THSD7B: variants seen among roughly 807,000 people sequenced by gnomAD.
The protein encoded by THSD7B is thrombospondin type 1 domain containing 7B.
A neutral mutation model predicts 213.6 loss-of-function variants in THSD7B; 138 were observed. That is an observed-to-expected ratio of 0.65 (90% CI 0.56 to 0.74). The LOEUF (loss-of-function observed/expected upper bound fraction) is 0.74, where lower values mean the gene tolerates loss of function less well. THSD7B is among the 30% of genes least tolerant of loss of function. THSD7B has a pLI of 0.00. For synonymous variants in THSD7B, 742 were observed against 687.0 expected, an observed-to-expected ratio of 1.08 and a Z score of -1.25; for missense variants, 1,931 against 1,991.5, an observed-to-expected ratio of 0.97 and a Z score of 0.58.
chr2:136,856,597 T>G (rs544565583), intron 1 of THSD7B, among the ~76,000 whole-genome samples: 1 of 150,970 alleles, frequency 6.6e-6, no homozygotes, highest in Admixed American at 6.6e-5. Context: ...CACCAAAACC[T>G]CTGCCTCCTG....
intron 1 of THSD7B, among the ~76,000 whole-genome samples, chr2:136,791,420 G>C (rs1021546501): frequency 1.3e-5 from 2 of 151,698 alleles, no homozygotes; most frequent in Non-Finnish European, 2.9e-5. Context: ...ACAATACAAT[G>C]GTGTTTAGTA....
chr2:137,243,803 A>G (rs1277858732), intron 10 of THSD7B, among the ~76,000 whole-genome samples: 1 of 152,252 alleles, frequency 6.6e-6, no homozygotes, highest in Non-Finnish European at 1.5e-5. Flanking sequence ...ACAAAGTTTT[A>G]TAACTATGGC....
At chr2:137,194,431 A>G (rs1485104261) in intron 7 of THSD7B, among the ~76,000 whole-genome samples, 1 of 152,224 alleles carries the variant, frequency 6.6e-6, no homozygotes, top group Admixed American at 6.5e-5. Flanking sequence ...ACATGATCTG[A>G]GTAAGCAGTC....
At chr2:137,331,949 C>G (rs1684521431) in intron 12 of THSD7B, among the ~76,000 whole-genome samples, 1 of 152,188 alleles carries the variant, frequency 6.6e-6, no homozygotes, top group Non-Finnish European at 1.5e-5. Flanking sequence ...AGCTGGCCCA[C>G]AAGCGCCGCA....
At chr2:137,393,241 T>C (rs1471280645) in intron 12 of THSD7B, among the ~76,000 whole-genome samples, 3 of 151,618 alleles carry the variant, frequency 2.0e-5, no homozygotes, top group Non-Finnish European at 4.4e-5. Context: ...ACATGTGCCA[T>C]GCTGGTGCAC....
intron 7 of THSD7B, among the ~76,000 whole-genome samples, chr2:137,192,171 C>T (rs1680671391): frequency 6.6e-6 from 1 of 152,088 alleles, no homozygotes; most frequent in African/African-American, 2.4e-5. Context: ...CTGTGATCCT[C>T]TCAGTTTATC....
intron 7 of THSD7B, among the ~76,000 whole-genome samples, chr2:137,211,991 A>C (rs10185044): frequency 0.18 from 26,736 of 152,020 alleles, 3,113 homozygotes; most frequent in South Asian, 0.4. Context: ...AGCTAAATAA[A>C]CAATAAACAA....
At chr2:137,424,492 G>A (rs540100692) in intron 14 of THSD7B, among the ~76,000 whole-genome samples, 1 of 152,228 alleles carries the variant, frequency 6.6e-6, no homozygotes, top group Admixed American at 6.5e-5. Context: ...CAAAATTTTA[G>A]CAAACCAAAT....
chr2:137,435,003 T>A (rs1687263291), intron 14 of THSD7B, among the ~76,000 whole-genome samples: 1 of 152,200 alleles, frequency 6.6e-6, no homozygotes, highest in Admixed American at 6.5e-5. Context: ...AATACTTTAC[T>A]TTTTATGTCC....
intron 27 of THSD7B, among the ~76,000 whole-genome samples, chr2:137,675,348 T>G (rs1683673739): frequency 6.8e-6 from 1 of 147,882 alleles, no homozygotes; most frequent in Admixed American, 6.8e-5. Context: ...AATACAAAAA[T>G]TAATTCATAT....
chr2:137,275,888 T>C, intron 11 of THSD7B, 35 bp from the exon 12 acceptor site: 1 of 1,521,660 alleles, frequency 6.6e-7, no homozygotes, highest in Non-Finnish European at 9.0e-7. Context: ...TTGATCACAG[T>C]AAAGTTTCTA....
intron 2 of THSD7B, among the ~76,000 whole-genome samples, chr2:136,951,323 C>T (rs1036400509): frequency 1.3e-5 from 2 of 152,124 alleles, no homozygotes; most frequent in Non-Finnish European, 2.9e-5. Flanking sequence ...TTCCTCTCTG[C>T]ATTTAACTAG....
intron 12 of THSD7B, among the ~76,000 whole-genome samples, chr2:137,298,869 G>C (rs137886462): frequency 1.3e-5 from 2 of 152,148 alleles, no homozygotes; most frequent in Non-Finnish European, 2.9e-5. Context: ...CTGCAGGGGC[G>C]GGGCCCTCAT....
intron 17 of THSD7B, among the ~76,000 whole-genome samples, chr2:137,611,123 G>A (rs1245995892): frequency 6.6e-6 from 1 of 151,532 alleles, no homozygotes; most frequent in African/African-American, 2.4e-5. Context: ...GACAGTCTAT[G>A]TAATGGAAAA....
At chr2:136,874,155 C>A (rs1383259875) in intron 1 of THSD7B, among the ~76,000 whole-genome samples, 1 of 142,910 alleles carries the variant, frequency 7.0e-6, no homozygotes, top group African/African-American at 2.4e-5. Context: ...TATTGACTTA[C>A]AACACTAGTC....
chr2:137,622,622 C>T (rs1269351397), intron 20 of THSD7B, among the ~76,000 whole-genome samples: 1 of 152,006 alleles, frequency 6.6e-6, no homozygotes, highest in Non-Finnish European at 1.5e-5. Context: ...ATCAAATTGC[C>T]ACAATAAAAA....
intron 17 of THSD7B, among the ~76,000 whole-genome samples, chr2:137,577,827 A>T (rs1681495017): frequency 6.6e-6 from 1 of 152,198 alleles, no homozygotes; most frequent in Admixed American, 6.5e-5. Context: ...TAAAAGTATA[A>T]TTTTCAAAAA....
intron 4 of THSD7B, among the ~76,000 whole-genome samples, chr2:137,111,480 C>T (rs756479260): frequency 6.6e-6 from 1 of 152,168 alleles, no homozygotes. Context: ...GCTTTGAACC[C>T]TGCTTTCACT....
intron 12 of THSD7B, among the ~76,000 whole-genome samples, chr2:137,289,765 A>C (rs1035319588): frequency 1.3e-5 from 2 of 152,054 alleles, no homozygotes; most frequent in Non-Finnish European, 2.9e-5. Flanking sequence ...AAGAGTGATG[A>C]TAGGACCACC....
Sources: allele counts gnomAD v4.1 joint callset (sites outside exome capture counted in the v4.1 genomes callset), GRCh38; gene constraint gnomAD v4.1.1; transcripts MANE v1.5; gene names NCBI Gene and HGNC (gene_info 2026-07-23, HGNC 2026-07-21).